RNF128: variants seen among roughly 807,000 people sequenced by gnomAD.
RNF128 encodes E3 ubiquitin-protein ligase RNF128.
Under a neutral mutation model 26.2 loss-of-function variants are expected in RNF128, and 13 were observed. That is an observed-to-expected ratio of 0.50 (90% CI 0.32 to 0.79). The LOEUF (loss-of-function observed/expected upper bound fraction) is 0.79, where lower values mean the gene tolerates loss of function less well. RNF128 is among the 30% of genes least tolerant of loss of function. The probability of loss-of-function intolerance (pLI) is 0.03; values close to 1 mark genes in which losing one functional copy is unlikely to be tolerated. For missense variants in RNF128, 315 were observed against 349.7 expected, an observed-to-expected ratio of 0.90 and a Z score of 0.79; for synonymous variants, 149 against 142.5, an observed-to-expected ratio of 1.05 and a Z score of -0.32.
At chrX:106,710,440 AC>A (rs1929105623) in intron 1 of RNF128, among the ~76,000 whole-genome samples, 1 of 111,964 alleles carries the variant, frequency 8.9e-6, no homozygotes, top group Non-Finnish European at 1.9e-5. Flanking sequence ...CAAAATTAAA[AC>A]CTTTTGGAGT....
intron 1 of RNF128, among the ~76,000 whole-genome samples, chrX:106,765,870 C>T (rs1202323843): frequency 1.0e-5 from 1 of 98,406 alleles, no homozygotes; most frequent in East Asian, 3.2e-4. Flanking sequence ...TCCCCCCCAG[C>T]CCCCCACCCC....
At chrX:106,785,791 T>C (rs1424534851) in intron 3 of RNF128, among the ~76,000 whole-genome samples, 1 of 112,289 alleles carries the variant, frequency 8.9e-6, no homozygotes, top group Non-Finnish European at 1.9e-5. Flanking sequence ...TTTAGGACAG[T>C]TGAAAACTAC....
chrX:106,787,855 T>A, intron 3 of RNF128, 63 bp from the exon 4 acceptor site: 1 of 784,711 alleles, frequency 1.3e-6, no homozygotes. Context: ...TGTTCTGATC[T>A]TGTTCTGTAG....
intron 1 of RNF128, among the ~76,000 whole-genome samples, chrX:106,750,478 T>C (rs923236498): frequency 9.0e-6 from 1 of 111,561 alleles, no homozygotes; most frequent in South Asian, 3.8e-4. Context: ...ATGCCTACCT[T>C]ATAGGGTTGA....
chrX:106,699,340 TTC>T (rs774544672), intron 1 of RNF128, among the ~76,000 whole-genome samples: 3 of 112,673 alleles, frequency 2.7e-5, no homozygotes, highest in African/African-American at 9.7e-5. Flanking sequence ...GACTCTGGTT[TTC>T]TCTCTGTTTT....
intron 1 of RNF128, among the ~76,000 whole-genome samples, chrX:106,744,192 A>G (rs2147677327): frequency 9.0e-6 from 1 of 111,585 alleles, no homozygotes; most frequent in South Asian, 3.8e-4. Context: ...TGGCACATGT[A>G]TACATATGTA....
intron 2 of RNF128, among the ~76,000 whole-genome samples, chrX:106,784,446 G>A (rs1286224273): frequency 1.8e-5 from 2 of 111,885 alleles, no homozygotes; most frequent in African/African-American, 6.5e-5. Context: ...TATATGCTCA[G>A]TGAAACAATA....
intron 3 of RNF128, 135 bp from the exon 4 acceptor site, chrX:106,787,783 T>A (rs1930682696): frequency 5.1e-6 from 2 of 389,863 alleles, no homozygotes; most frequent in Admixed American, 1.1e-4. Flanking sequence ...TACAGTTACA[T>A]AATCATTCAG....
chrX:106,698,267 G>T (rs1257379450), intron 1 of RNF128, among the ~76,000 whole-genome samples: 1 of 109,222 alleles, frequency 9.2e-6, no homozygotes, highest in Non-Finnish European at 1.9e-5. Context: ...GTTTATATCA[G>T]CAAGGTCAGT....
intron 1 of RNF128, among the ~76,000 whole-genome samples, chrX:106,737,944 C>T (rs1025562939): frequency 8.9e-6 from 1 of 112,082 alleles, no homozygotes; most frequent in African/African-American, 3.2e-5. Flanking sequence ...TTTTGCTGCT[C>T]CTCTATGGCT....
At chrX:106,722,855 C>T (rs6523886), upstream of RNF128, among the ~76,000 whole-genome samples, 14,124 of 110,675 alleles carry the variant, frequency 0.13, 2,267 homozygotes, top group African/African-American at 0.44. Flanking sequence ...TAGGGTTGCT[C>T]GGTGAGGATG....
chrX:106,783,533 C>T (rs1930599985), intron 2 of RNF128, among the ~76,000 whole-genome samples: 1 of 111,190 alleles, frequency 9.0e-6, no homozygotes, highest in African/African-American at 3.3e-5. Context: ...CTTACATTCT[C>T]CCAAAGGTCT....
intron 1 of RNF128, among the ~76,000 whole-genome samples, chrX:106,702,291 C>T (rs1019469759): frequency 1.8e-5 from 2 of 111,629 alleles, no homozygotes; most frequent in Non-Finnish European, 1.9e-5. Flanking sequence ...TTGAAAGCAT[C>T]TAAACATGTG....
intron 4 of RNF128, among the ~76,000 whole-genome samples, chrX:106,788,343 A>T (rs1241863134): frequency 1.9e-5 from 1 of 52,466 alleles, no homozygotes; most frequent in East Asian, 6.1e-4. Flanking sequence ...ACTATATATA[A>T]TATATATTAT....
At chrX:106,779,620 T>C (rs1442843169) in intron 2 of RNF128, among the ~76,000 whole-genome samples, 1 of 110,872 alleles carries the variant, frequency 9.0e-6, no homozygotes, top group Non-Finnish European at 1.9e-5. Context: ...AAAAATGCTG[T>C]AATCTGAGCT....
Position 106,726,906 on chromosome X carries a change from C to T in RNF128, c.-8C>T, listed in dbSNP as rs1929408112. ...AGGGGCGCTAGGGAACTGCGGAGCG[C>T]GCGCGCCATGGGGCCGCCGCCTGGG... On this transcript the variant is annotated 5_prime_UTR_variant, in exon 1 of 7. Coordinates refer to ENST00000255499, the MANE Select transcript of RNF128 (RefSeq NM_194463.2). 1 of 1,164,436 alleles carries T rather than the reference C, an allele frequency of 8.6e-7. No homozygotes were observed. The highest frequency in any genetic ancestry group is 1.1e-6 in the Non-Finnish European group (1 of 873,539).
rs1930907657 is a variant in RNF128, at chrX:106,795,870, A to G, written c.*157A>G. ...ATGCTATAGTTAAATGGCTTAAAAT[A>G]TTTAACCTGTTAACTTTTTTCCACA... On this transcript the variant is annotated 3_prime_UTR_variant, in exon 7 of 7. Transcript: ENST00000255499. 3 of 379,303 alleles carry G rather than the reference A, an allele frequency of 7.9e-6. No homozygotes were observed. The highest frequency in any genetic ancestry group is 1.3e-5 in the Non-Finnish European group (3 of 239,343). 31.3% of individuals were successfully genotyped at this position (379,303 alleles called of 1,213,427 possible).
At chrX:106,721,039 T>C (rs1602367031) in intron 1 of RNF128, among the ~76,000 whole-genome samples, 1 of 112,263 alleles carries the variant, frequency 8.9e-6, no homozygotes, top group South Asian at 3.7e-4. Context: ...CTAATGGTTG[T>C]ATACTAACTT....
At chrX:106,775,624 A>G (rs2082983703) in intron 2 of RNF128, among the ~76,000 whole-genome samples, 1 of 111,858 alleles carries the variant, frequency 8.9e-6, no homozygotes. Flanking sequence ...TATATGGCTG[A>G]TAATCCTTTT....
Sources: gnomAD v4.1 joint callset for allele counts (sites outside exome capture counted in the v4.1 genomes callset) on GRCh38, gnomAD v4.1.1 for gene constraint, MANE v1.5 for transcripts, NCBI Gene and HGNC (gene_info 2026-07-23, HGNC 2026-07-21) for gene names.